Variants in EGFLAM observed in about 807,000 individuals in gnomAD.
EGFLAM encodes pikachurin.
A neutral mutation model predicts 113.1 loss-of-function variants in EGFLAM; 79 were observed. That is an observed-to-expected ratio of 0.70 (90% CI 0.58 to 0.84). The LOEUF is 0.84. EGFLAM is among the 40% of genes least tolerant of loss of function. The pLI is 0.00. For missense variants in EGFLAM, 1,265 were observed against 1,291.6 expected (o/e 0.98, Z 0.32); for synonymous variants, 504 against 487.6 (o/e 1.03, Z -0.44).
Position 38,364,392 on chromosome 5 carries a change from G to A in EGFLAM, c.546-5904G>A, listed in dbSNP as rs573378285. On this transcript the variant is annotated intron_variant, in intron 5 of 21. Coordinates refer to ENST00000322350, the MANE Select transcript of EGFLAM (RefSeq NM_152403.4). ...AGAAGGACACATCAGAGATTACCAG[G>A]CAAAAGGGGAGGGAGGAAGCAACAT... Among the ~76,000 whole-genome samples the A allele has an allele frequency of 8.5e-5, 13 of 152,262 alleles. No homozygotes were observed. In the East Asian group the frequency reaches 2.5e-3, roughly 30 times the overall value.
chr5:38,329,028 C>T (rs1200779889), intron 1 of EGFLAM, among the ~76,000 whole-genome samples: 7 of 152,046 alleles, frequency 4.6e-5, no homozygotes, highest in Non-Finnish European at 8.8e-5. Flanking sequence ...TGGCTCATGC[C>T]GTAATCCCAC....
chr5:38,325,770 A>T (rs760041326), intron 1 of EGFLAM, among the ~76,000 whole-genome samples: 1 of 152,218 alleles, frequency 6.6e-6, no homozygotes, highest in Non-Finnish European at 1.5e-5. Flanking sequence ...ATAAAAGTAC[A>T]TACTTCATGA....
At chr5:38,402,202 T>C (rs961854309) in intron 6 of EGFLAM, 1 of 152,188 alleles carries the variant, frequency 6.6e-6, no homozygotes, top group African/African-American at 2.4e-5. Flanking sequence ...GTTTGGCTAT[T>C]ATATAGCTTT....
chr5:38,462,926 G>C lies in EGFLAM; in HGVS notation c.2790G>C (p.Lys930Asn). Residue 930 changes from lysine (K) to asparagine (N), a missense_variant, in exon 21 of 22, where the codon AAG becomes AAC. Transcript: ENST00000322350. The part of the protein sequence containing the change: ...VKAVRDGQSG[K>N]ITVDDYGART... ...TTTGCAGGGATGGCCAGTCAGGAAAGATAACCGTGGATGACTATGGAGCCA... is the reference window on the plus strand; with the variant it reads ...TTTGCAGGGATGGCCAGTCAGGAAACATAACCGTGGATGACTATGGAGCCA... The C allele has an allele frequency of 6.2e-7, 1 of 1,614,182 alleles. No homozygotes were observed. The highest frequency in any genetic ancestry group is 8.5e-7 in the Non-Finnish European group (1 of 1,180,018).
intron 3 of EGFLAM, among the ~76,000 whole-genome samples, chr5:38,347,675 T>G (rs1739509873): frequency 6.6e-6 from 1 of 152,032 alleles, no homozygotes; most frequent in South Asian, 2.1e-4. Context: ...ATGACTGGAA[T>G]GTAGAATGTA....
At chr5:38,269,303 T>C (rs1408045580) in intron 1 of EGFLAM, among the ~76,000 whole-genome samples, 1 of 152,104 alleles carries the variant, frequency 6.6e-6, no homozygotes, top group African/African-American at 2.4e-5. Flanking sequence ...TACTAGAAAC[T>C]CCTTCTGTTT....
intron 1 of EGFLAM, among the ~76,000 whole-genome samples, chr5:38,318,926 G>A (rs901212568): frequency 1.3e-5 from 2 of 152,128 alleles, no homozygotes; most frequent in Non-Finnish European, 2.9e-5. Flanking sequence ...TGCTTTCTGA[G>A]AGAATAAACC....
chr5:38,405,198 C>T (rs1741244434), intron 6 of EGFLAM, among the ~76,000 whole-genome samples: 1 of 151,834 alleles, frequency 6.6e-6, no homozygotes, highest in Non-Finnish European at 1.5e-5. Flanking sequence ...ATATATACAA[C>T]ATATAAAAAA....
chr5:38,342,953 A>T (rs1440805674), intron 3 of EGFLAM, among the ~76,000 whole-genome samples: 2 of 152,178 alleles, frequency 1.3e-5, no homozygotes, highest in East Asian at 3.9e-4. Flanking sequence ...GTCCCCGGCG[A>T]TGCACCACCA....
At position 38,410,773 on chromosome 5, in the gene EGFLAM, C is replaced by T. The variant is rs191341926; in HGVS notation, c.1349+1669C>T. Among the ~76,000 whole-genome samples, 257 of 152,284 alleles carry T rather than the reference C, an allele frequency of 1.7e-3. 4 individuals are homozygous for T. Among genetic ancestry groups the T allele is most frequent in the Admixed American group, 0.015 (226 of 15,288 alleles). ...TCACTGCTGAGCCTCCTGTGGACCT[C>T]GCCTGTATTGAGGTACAGCTAAGCA... On this transcript the variant is annotated intron_variant, in intron 10 of 21. Transcript: ENST00000322350.
intron 1 of EGFLAM, among the ~76,000 whole-genome samples, chr5:38,279,769 A>G (rs1481298668): frequency 6.6e-6 from 1 of 152,154 alleles, no homozygotes; most frequent in Non-Finnish European, 1.5e-5. Context: ...CGTAACTACA[A>G]TTAGATAGGA....
chr5:38,462,967 C>T lies in EGFLAM; in HGVS notation c.2831C>T (p.Pro944Leu). 1 of 1,614,128 alleles carries T rather than the reference C, an allele frequency of 6.2e-7. No individual in the cohort carries two copies. The highest frequency in any genetic ancestry group is 8.5e-7 in the Non-Finnish European group (1 of 1,180,012). The change falls in exon 21 of 22, where the codon CCA (proline) becomes CTA (leucine). Residue 944 changes from proline (P) to leucine (L), a missense_variant. Coordinates refer to ENST00000322350, the MANE Select transcript of EGFLAM (RefSeq NM_152403.4). ...DDYGARTGKS[P>L]GMMRQLNING... ...TATGGAGCCAGAACAGGCAAATCCC[C>T]AGGCATGATGCGGCAGCTTAACATC...
intron 5 of EGFLAM, among the ~76,000 whole-genome samples, chr5:38,363,694 T>A (rs1011425617): frequency 4.6e-5 from 7 of 152,248 alleles, no homozygotes; most frequent in African/African-American, 1.7e-4. Context: ...TTCAATATAA[T>A]TGATTTCCTT....
At chr5:38,395,487 G>A (rs564563362) in intron 6 of EGFLAM, among the ~76,000 whole-genome samples, 24 of 152,196 alleles carry the variant, frequency 1.6e-4, no homozygotes, top group Non-Finnish European at 2.8e-4. Context: ...TTGTCTGGAC[G>A]ATTATTATCT....
At chr5:38,456,423 C>T (rs1288586147) in intron 19 of EGFLAM, among the ~76,000 whole-genome samples, 1 of 152,142 alleles carries the variant, frequency 6.6e-6, no homozygotes, top group Non-Finnish European at 1.5e-5. Context: ...GCAACTCGCC[C>T]TACTTCCTAT....
Position 38,375,659 on chromosome 5 carries a change from T to C in EGFLAM, c.712+5197T>C, listed in dbSNP as rs75072904. 3.2e-3 allele frequency among the ~76,000 whole-genome samples: 491 copies of C among 152,248 alleles called. 3 individuals carry two copies. The highest frequency in any genetic ancestry group is 0.011 in the African/African-American group (470 of 41,536). ...AGACACTATTAGCAACTTAATTGCT[T>C]AATGGGGCAATTGGAAGATCTTAGT... On this transcript the variant is annotated intron_variant, in intron 6 of 21. Transcript: ENST00000322350.
intron 7 of EGFLAM, 37 bp from the exon 8 acceptor site, chr5:38,406,791 G>T: frequency 8.8e-6 from 14 of 1,583,928 alleles, no homozygotes; most frequent in Non-Finnish European, 1.2e-5. Flanking sequence ...GCCATGCTCT[G>T]TGTTCATCTT....
Position 38,458,295 on chromosome 5 carries a change from T to G in EGFLAM, c.2688-16T>G. The G allele has an allele frequency of 6.2e-7, 1 of 1,611,868 alleles. No homozygotes were observed. The highest frequency in any genetic ancestry group is 8.5e-7 in the Non-Finnish European group (1 of 1,178,798). On this transcript the variant is annotated splice_polypyrimidine_tract_variant and intron_variant, in intron 19 of 21. Transcript: ENST00000322350. ...TTTTATTCTGTTCTCTGTCTTCTTC[T>G]TCTCCAATGCCTTAGCTATAACCTG... is the stretch of plus-strand genomic sequence containing the variant.
intron 6 of EGFLAM, among the ~76,000 whole-genome samples, chr5:38,387,363 C>G (rs1740690883): frequency 6.6e-6 from 1 of 152,226 alleles, no homozygotes. Context: ...CTCCTGGCTT[C>G]ATAGCATGAG....
Sources: gnomAD v4.1 joint callset for allele counts (sites outside exome capture counted in the v4.1 genomes callset) on GRCh38, gnomAD v4.1.1 for gene constraint, MANE v1.5 for transcripts, NCBI Gene and HGNC (gene_info 2026-07-23, HGNC 2026-07-21) for gene names.